Variants in QTMAN observed in about 807,000 individuals in gnomAD.
QTMAN encodes tRNA-queuosine alpha-mannosyltransferase.
the QTMAN span, among the ~76,000 whole-genome samples, chr2:143,977,560 T>C: frequency 6.6e-6 from 1 of 151,944 alleles, no homozygotes; most frequent in Non-Finnish European, 1.5e-5. Flanking sequence ...TCCTGAGCCA[T>C]GGTAGGCATA....
At chr2:143,950,391 A>T in the QTMAN span, among the ~76,000 whole-genome samples, 1 of 151,724 alleles carries the variant, frequency 6.6e-6, no homozygotes, top group African/African-American at 2.4e-5. Flanking sequence ...AAAATATTTC[A>T]ACTGGACATC....
the QTMAN span, among the ~76,000 whole-genome samples, chr2:144,303,008 A>G: frequency 8.5e-5 from 13 of 152,222 alleles, no homozygotes; most frequent in African/African-American, 3.1e-4. Context: ...AGGCTGAGGA[A>G]GGAGAATTGC....
chr2:143,977,157 C>T, the QTMAN span, among the ~76,000 whole-genome samples: 1 of 152,084 alleles, frequency 6.6e-6, no homozygotes, highest in Non-Finnish European at 1.5e-5. Flanking sequence ...AAGTCTACTC[C>T]CGTGAATCCA....
the QTMAN span, among the ~76,000 whole-genome samples, chr2:144,132,494 C>G: frequency 6.6e-6 from 1 of 152,092 alleles, no homozygotes; most frequent in Non-Finnish European, 1.5e-5. Context: ...CACTCATCAT[C>G]ATTCATCACC....
chr2:144,288,268 T>C, the QTMAN span, among the ~76,000 whole-genome samples: 1 of 152,100 alleles, frequency 6.6e-6, no homozygotes, highest in African/African-American at 2.4e-5. Context: ...AGTTTATCTG[T>C]TATCCCCCCT....
the QTMAN span, among the ~76,000 whole-genome samples, chr2:144,250,771 A>C: frequency 2.6e-5 from 4 of 151,794 alleles, no homozygotes; most frequent in African/African-American, 7.2e-5. Context: ...AAAAAAAAAA[A>C]ACCTGTGCCA....
At chr2:144,178,714 G>A in the QTMAN span, 1 of 270,868 alleles carries the variant, frequency 3.7e-6, no homozygotes, top group Non-Finnish European at 7.2e-6. Context: ...AGGTAGGCCA[G>A]GAACTAGTTA....
the QTMAN span, among the ~76,000 whole-genome samples, chr2:144,185,214 T>C: frequency 6.6e-6 from 1 of 152,162 alleles, no homozygotes; most frequent in African/African-American, 2.4e-5. Context: ...GTATTATTAG[T>C]CCCATTTTAA....
the QTMAN span, among the ~76,000 whole-genome samples, chr2:144,312,625 G>A: frequency 6.6e-6 from 1 of 152,136 alleles, no homozygotes; most frequent in Admixed American, 6.5e-5. Context: ...GAAATGTTAC[G>A]TGATATGGTT....
chr2:144,174,387 C>T, the QTMAN span, among the ~76,000 whole-genome samples: 2 of 152,158 alleles, frequency 1.3e-5, no homozygotes, highest in African/African-American at 2.4e-5. Context: ...TGTCAGGAAT[C>T]GATGTCCCTC....
the QTMAN span, among the ~76,000 whole-genome samples, chr2:144,162,206 G>A: frequency 2.0e-5 from 3 of 151,952 alleles, no homozygotes; most frequent in Non-Finnish European, 2.9e-5. Context: ...CACTGTCCTG[G>A]GTGTTTTCAG....
At chr2:144,031,146 A>G in the QTMAN span, among the ~76,000 whole-genome samples, 1 of 152,142 alleles carries the variant, frequency 6.6e-6, no homozygotes, top group Non-Finnish European at 1.5e-5. Flanking sequence ...ACCTATTTCC[A>G]AAGACTGATT....
At chr2:144,084,762 C>T in the QTMAN span, among the ~76,000 whole-genome samples, 1 of 149,870 alleles carries the variant, frequency 6.7e-6, no homozygotes, top group Non-Finnish European at 1.5e-5. Flanking sequence ...CTTCTCTTGG[C>T]ACTCTATTTT....
chr2:144,331,314 A>G, the QTMAN span, among the ~76,000 whole-genome samples: 2 of 152,178 alleles, frequency 1.3e-5, no homozygotes, highest in African/African-American at 2.4e-5. Flanking sequence ...CGTTAATAGA[A>G]GCCAATAGAA....
chr2:143,957,314 T>A, the QTMAN span: 2 of 1,599,608 alleles, frequency 1.3e-6, no homozygotes, highest in Non-Finnish European at 1.7e-6. Context: ...AAGATCCCAA[T>A]GCCTTTTTGG....
chr2:144,303,140 G>T, the QTMAN span, among the ~76,000 whole-genome samples: 1 of 152,036 alleles, frequency 6.6e-6, no homozygotes, highest in African/African-American at 2.4e-5. Flanking sequence ...CCACAATAAA[G>T]AAATGAGAGA....
At chr2:144,104,467 G>T in the QTMAN span, among the ~76,000 whole-genome samples, 1 of 152,146 alleles carries the variant, frequency 6.6e-6, no homozygotes, top group Non-Finnish European at 1.5e-5. Context: ...TATATCCTGC[G>T]CCTGGCTTGG....
chr2:143,952,080 GA>G, the QTMAN span: 4 of 1,548,714 alleles, frequency 2.6e-6, no homozygotes, highest in Non-Finnish European at 3.6e-6. Context: ...TCAGCTGCAG[GA>G]AAAACAGATA....
the QTMAN span, among the ~76,000 whole-genome samples, chr2:144,069,848 TA>T: frequency 6.6e-6 from 1 of 152,106 alleles, no homozygotes; most frequent in Non-Finnish European, 1.5e-5. Flanking sequence ...CTGCATTATT[TA>T]AAATAATCTT....
Sources: allele counts gnomAD v4.1 joint callset (sites outside exome capture counted in the v4.1 genomes callset), GRCh38; gene constraint gnomAD v4.1.1; transcripts MANE v1.5; gene names NCBI Gene and HGNC (gene_info 2026-07-23, HGNC 2026-07-21).